The following ZNF385D variants were observed in gnomAD, a reference collection of about 807,000 sequenced individuals.
The protein encoded by ZNF385D is zinc finger protein 659.
ZNF385D carries 15 observed loss-of-function variants against 35.8 expected under a neutral mutation model. The ratio of observed to expected loss-of-function variants is 0.42; its 90% CI spans 0.28 to 0.64. The LOEUF is 0.64. ZNF385D is among the 30% of genes least tolerant of loss of function. The probability of loss-of-function intolerance (pLI) is 0.23; values close to 1 mark genes in which losing one functional copy is unlikely to be tolerated. For missense variants in ZNF385D, 474 were observed against 494.6 expected (o/e 0.96, Z 0.39); for synonymous variants, 212 against 186.8 (o/e 1.13, Z -1.10).
intron 3 of ZNF385D, among the ~76,000 whole-genome samples, chr3:22,115,158 T>C (rs1207121845): frequency 6.6e-6 from 1 of 152,028 alleles, no homozygotes; most frequent in Non-Finnish European, 1.5e-5. Context: ...AAGCAGACCA[T>C]TACAGGGCCT....
At chr3:21,931,730 T>C (rs1378281695) in intron 3 of ZNF385D, among the ~76,000 whole-genome samples, 2 of 152,208 alleles carry the variant, frequency 1.3e-5, no homozygotes, top group East Asian at 3.9e-4. Flanking sequence ...GAGGGGTATT[T>C]GGGGGATGAT....
In ZNF385D at chr3:21,832,518, C is replaced by T. The variant is rs73820152; in HGVS notation, c.326-167490G>A. On this transcript the variant is annotated intron_variant, in intron 3 of 5. Coordinates refer to the ZNF385D transcript ENST00000494108. ...TTCCTCATGATTACAGAAAGTTGTA[C>T]TATGGGGAGTTGCTCTCCCTTTTCT... Among the ~76,000 whole-genome samples, 562 of 152,282 alleles carry T rather than the reference C, an allele frequency of 3.7e-3. 3 individuals carry two copies. The highest frequency in any genetic ancestry group is 0.013 in the African/African-American group (520 of 41,560).
intron 2 of ZNF385D, among the ~76,000 whole-genome samples, chr3:21,596,160 A>T (rs1373702961): frequency 6.6e-6 from 1 of 152,232 alleles, no homozygotes; most frequent in Non-Finnish European, 1.5e-5. Context: ...AAAGAAAGTT[A>T]TCCAAAGTTT....
intron 1 of ZNF385D, among the ~76,000 whole-genome samples, chr3:21,703,043 A>G (rs2067751449): frequency 6.6e-6 from 1 of 152,208 alleles, no homozygotes; most frequent in Non-Finnish European, 1.5e-5. Flanking sequence ...ATTTTTGGGT[A>G]TATTTTCAGC....
chr3:22,091,390 A>T (rs2125602621), intron 3 of ZNF385D, among the ~76,000 whole-genome samples: 1 of 152,330 alleles, frequency 6.6e-6, no homozygotes, highest in South Asian at 2.1e-4. Context: ...CAACAGGGAT[A>T]ACAGGCTCTG....
At chr3:22,201,353 C>T (rs548078981) in intron 2 of ZNF385D, among the ~76,000 whole-genome samples, 2 of 152,170 alleles carry the variant, frequency 1.3e-5, no homozygotes, top group Non-Finnish European at 2.9e-5. Context: ...CTGTTTTCCA[C>T]TTCTGTAACC....
intron 2 of ZNF385D, among the ~76,000 whole-genome samples, chr3:21,642,930 G>A (rs1243954619): frequency 6.6e-6 from 1 of 152,054 alleles, no homozygotes; most frequent in Non-Finnish European, 1.5e-5. Context: ...ATGGTTGCCA[G>A]GGTCTCGGGA....
intron 4 of ZNF385D, among the ~76,000 whole-genome samples, chr3:21,466,032 A>C (rs894928264): frequency 3.3e-5 from 5 of 152,128 alleles, no homozygotes; most frequent in Admixed American, 6.5e-5. Context: ...CGACCCTACC[A>C]CCTGGAATGC....
intron 3 of ZNF385D, among the ~76,000 whole-genome samples, chr3:22,087,414 C>T (rs941564826): frequency 3.3e-5 from 5 of 152,086 alleles, no homozygotes; most frequent in African/African-American, 7.2e-5. Context: ...ACTATGTTCT[C>T]CCCAAAGGGA....
chr3:22,168,166 C>G (rs896180888), intron 3 of ZNF385D, among the ~76,000 whole-genome samples: 1 of 152,148 alleles, frequency 6.6e-6, no homozygotes, highest in Non-Finnish European at 1.5e-5. Context: ...AGTTAGCTCT[C>G]TAAAGTCTCC....
chr3:22,317,769 A>C (rs1703981975), intron 2 of ZNF385D, among the ~76,000 whole-genome samples: 1 of 152,170 alleles, frequency 6.6e-6, no homozygotes, highest in Non-Finnish European at 1.5e-5. Context: ...CTATTAAATA[A>C]TGTGAATCAG....
At chr3:22,264,386 A>G (rs1186893268) in intron 2 of ZNF385D, among the ~76,000 whole-genome samples, 1 of 152,028 alleles carries the variant, frequency 6.6e-6, no homozygotes, top group African/African-American at 2.4e-5. Flanking sequence ...AATGCTTACT[A>G]AAAGCCAAGA....
At chr3:22,198,477 A>G (rs1191081459) in intron 2 of ZNF385D, among the ~76,000 whole-genome samples, 1 of 152,126 alleles carries the variant, frequency 6.6e-6, no homozygotes, top group East Asian at 1.9e-4. Context: ...GTTTATAGAA[A>G]TACACTTTCA....
intron 2 of ZNF385D, among the ~76,000 whole-genome samples, chr3:21,578,522 A>C (rs889261659): frequency 6.6e-6 from 1 of 152,154 alleles, no homozygotes; most frequent in Non-Finnish European, 1.5e-5. Context: ...GGGGAGAGAT[A>C]GGGGGTCTAG....
Position 21,646,469 on chromosome 3 carries a change from A to G in ZNF385D, c.165+18417T>C, listed in dbSNP as rs1383675275. On this transcript the variant is annotated intron_variant, in intron 2 of 7. Coordinates refer to ENST00000281523, the MANE Select transcript of ZNF385D (RefSeq NM_024697.3). The surrounding 1 kb of genome is among the most constrained non-coding windows in gnomAD (Gnocchi z 4.3). ...ATAGGAACTCAGATCTTTACCTTCAAAGGTAAGCTACAAATTCAAAAACTA... is the reference window on the plus strand; with the variant it reads ...ATAGGAACTCAGATCTTTACCTTCAGAGGTAAGCTACAAATTCAAAAACTA... Among the ~76,000 whole-genome samples the G allele has an allele frequency of 6.6e-6, 1 of 152,222 alleles. No homozygotes were observed. The highest frequency in any genetic ancestry group is 1.5e-5 in the Non-Finnish European group (1 of 68,036).
chr3:22,364,781 G>A (rs1016111195), intron 2 of ZNF385D, among the ~76,000 whole-genome samples: 6 of 152,030 alleles, frequency 3.9e-5, no homozygotes, highest in Non-Finnish European at 8.8e-5. Context: ...AGGGATATCT[G>A]TGCACTCATG....
At chr3:21,593,039 T>G (rs575206735) in intron 2 of ZNF385D, among the ~76,000 whole-genome samples, 114 of 152,286 alleles carry the variant, frequency 7.5e-4, no homozygotes, top group African/African-American at 2.4e-3. Flanking sequence ...CAGAGTATCC[T>G]CCACACATCT....
At chr3:21,916,876 T>A (rs892633430) in intron 3 of ZNF385D, among the ~76,000 whole-genome samples, 1 of 152,206 alleles carries the variant, frequency 6.6e-6, no homozygotes, top group Non-Finnish European at 1.5e-5. Context: ...TCAATTAACA[T>A]TGACGAATTA....
intron 4 of ZNF385D, among the ~76,000 whole-genome samples, chr3:21,487,904 A>G (rs77333545): frequency 1.3e-5 from 2 of 152,292 alleles, no homozygotes; most frequent in South Asian, 4.1e-4. Context: ...CCTAACTTGT[A>G]CTATGTGCTA....
Sources: allele counts gnomAD v4.1 joint callset (sites outside exome capture counted in the v4.1 genomes callset), GRCh38; gene constraint gnomAD v4.1.1; non-coding constraint Gnocchi (gnomAD v3.1); transcripts MANE v1.5; gene names NCBI Gene and HGNC (gene_info 2026-07-23, HGNC 2026-07-21).